Variants in LRRC4C observed in about 807,000 individuals in gnomAD.
LRRC4C encodes leucine rich repeat containing 4C.
LRRC4C carries 5 observed loss-of-function variants against 33.6 expected under a neutral mutation model. The ratio of observed to expected loss-of-function variants is 0.15; its 90% CI spans 0.08 to 0.31. The LOEUF (loss-of-function observed/expected upper bound fraction) is 0.31, where lower values mean the gene tolerates loss of function less well. Among genes scored for constraint, LRRC4C ranks in the 10% least tolerant of loss-of-function variants. LRRC4C has a pLI of 1.00. For missense variants in LRRC4C, 560 were observed against 796.7 expected (o/e 0.70, Z 3.58); for synonymous variants, 329 against 302.0 (o/e 1.09, Z -0.93).
At chr11:40,470,833 G>C (rs1374617348) in intron 3 of LRRC4C, among the ~76,000 whole-genome samples, 4 of 152,084 alleles carry the variant, frequency 2.6e-5, no homozygotes, top group African/African-American at 9.7e-5. Context: ...CAAAATTAGA[G>C]AAAAAAGAAT....
intron 1 of LRRC4C, among the ~76,000 whole-genome samples, chr11:40,977,933 G>T (rs1336088884): frequency 6.6e-6 from 1 of 151,978 alleles, no homozygotes; most frequent in Non-Finnish European, 1.5e-5. Context: ...AGGCACACAG[G>T]AAAAAAACGT....
At chr11:40,802,995 A>G (rs1289947659) in intron 2 of LRRC4C, among the ~76,000 whole-genome samples, 3 of 152,208 alleles carry the variant, frequency 2.0e-5, no homozygotes, top group Non-Finnish European at 2.9e-5. Flanking sequence ...CATGATTATC[A>G]TGGCAGTGTA....
At chr11:40,373,961 A>G (rs1948562301) in intron 3 of LRRC4C, among the ~76,000 whole-genome samples, 1 of 152,174 alleles carries the variant, frequency 6.6e-6, no homozygotes, top group South Asian at 2.1e-4. Flanking sequence ...CTTTATGACA[A>G]TGCAAAATGG....
At chr11:41,293,808 G>T (rs187076332) in intron 1 of LRRC4C, among the ~76,000 whole-genome samples, 1 of 151,974 alleles carries the variant, frequency 6.6e-6, no homozygotes. Context: ...CGTATGCCAG[G>T]CTTGTCTCGA....
intron 3 of LRRC4C, among the ~76,000 whole-genome samples, chr11:40,559,442 C>G (rs1957461745): frequency 6.6e-6 from 1 of 152,100 alleles, no homozygotes; most frequent in African/African-American, 2.4e-5. Flanking sequence ...GCCTTGGCCT[C>G]CCAAAGTGCT....
At chr11:40,898,267 T>C (rs1592028102) in intron 2 of LRRC4C, among the ~76,000 whole-genome samples, 1 of 142,804 alleles carries the variant, frequency 7.0e-6, no homozygotes, top group East Asian at 2.1e-4. Flanking sequence ...GCCAGGAGAA[T>C]TGCTTGAACC....
chr11:40,786,257 C>A (rs879632468), intron 2 of LRRC4C, among the ~76,000 whole-genome samples: 8 of 152,196 alleles, frequency 5.3e-5, no homozygotes, highest in Admixed American at 3.3e-4. Context: ...TCTTCCCCAC[C>A]TTTTGACTTT....
rs569596365 is a variant in LRRC4C at position 41,260,676 on chromosome 11, A to G, written c.-496+198755T>C. Reference sequence around the variant, plus strand: ...TCTTGAAGGTAATAAGCCACAAGGAAAAAGATAATGGGGAATAACAAAAAC... The same window carrying G: ...TCTTGAAGGTAATAAGCCACAAGGAGAAAGATAATGGGGAATAACAAAAAC... On this transcript the variant is annotated intron_variant, in intron 1 of 6. Coordinates refer to ENST00000528697, the MANE Select transcript of LRRC4C (RefSeq NM_001258419.2). Among the ~76,000 whole-genome samples the G allele has an allele frequency of 4.6e-5, 7 of 152,162 alleles. No homozygotes were observed. The East Asian group carries it at 1.4e-3, about 29-fold the overall frequency.
intron 3 of LRRC4C, among the ~76,000 whole-genome samples, chr11:40,379,910 G>C (rs1477126415): frequency 6.6e-6 from 1 of 152,130 alleles, no homozygotes; most frequent in Non-Finnish European, 1.5e-5. Context: ...CAGAATCTCT[G>C]GGGGCAGAGC....
At chr11:40,929,708 G>A (rs563307838) in intron 2 of LRRC4C, among the ~76,000 whole-genome samples, 2 of 152,036 alleles carry the variant, frequency 1.3e-5, no homozygotes, top group South Asian at 4.1e-4. Context: ...TCCGCCTCCC[G>A]GGTTCACGCC....
At chr11:40,744,476 T>C (rs143817957) in intron 2 of LRRC4C, among the ~76,000 whole-genome samples, 2 of 152,310 alleles carry the variant, frequency 1.3e-5, no homozygotes, top group East Asian at 3.9e-4. Context: ...TCTACTTCAT[T>C]GTAATTGTAG....
chr11:40,320,977 G>A (rs1646818945), intron 3 of LRRC4C, among the ~76,000 whole-genome samples: 1 of 151,896 alleles, frequency 6.6e-6, no homozygotes, highest in Non-Finnish European at 1.5e-5. Flanking sequence ...TGTATTACTT[G>A]AAAAAAAATT....
intron 2 of LRRC4C, among the ~76,000 whole-genome samples, chr11:40,768,481 A>G (rs555610739): frequency 5.5e-4 from 84 of 152,170 alleles, no homozygotes; most frequent in African/African-American, 1.9e-3. Context: ...ACCCCACCCA[A>G]ATTCATTCTA....
chr11:40,942,490 A>C (rs1958199261), intron 1 of LRRC4C, among the ~76,000 whole-genome samples: 1 of 152,180 alleles, frequency 6.6e-6, no homozygotes, highest in South Asian at 2.1e-4. Flanking sequence ...AGTGCATTCC[A>C]GGCATGAACT....
At chr11:41,135,801 C>T (rs1398501081) in intron 1 of LRRC4C, among the ~76,000 whole-genome samples, 1 of 152,034 alleles carries the variant, frequency 6.6e-6, no homozygotes, top group African/African-American at 2.4e-5. Flanking sequence ...TGCTAATTGC[C>T]CAGAGACATT....
chr11:41,164,780 G>T (rs1204391674), intron 1 of LRRC4C, among the ~76,000 whole-genome samples: 1 of 152,146 alleles, frequency 6.6e-6, no homozygotes, highest in Non-Finnish European at 1.5e-5. Context: ...GGGGTCCAGG[G>T]TCTAAAACCC....
At chr11:41,073,546 C>G (rs937355329) in intron 1 of LRRC4C, among the ~76,000 whole-genome samples, 1 of 152,122 alleles carries the variant, frequency 6.6e-6, no homozygotes, top group African/African-American at 2.4e-5. Context: ...AGTAGTCACA[C>G]GGCTAACCCA....
intron 4 of LRRC4C, among the ~76,000 whole-genome samples, chr11:40,266,282 G>C (rs886500832): frequency 4.6e-5 from 7 of 151,978 alleles, no homozygotes; most frequent in African/African-American, 1.7e-4. Context: ...CCTGGGGACA[G>C]AGTAAGACCT....
At chr11:41,219,646 G>C (rs1947216855) in intron 1 of LRRC4C, among the ~76,000 whole-genome samples, 1 of 152,132 alleles carries the variant, frequency 6.6e-6, no homozygotes, top group Non-Finnish European at 1.5e-5. Flanking sequence ...CTGTGGTTTA[G>C]CCCTGTGCCT....
Sources: allele counts gnomAD v4.1 joint callset (sites outside exome capture counted in the v4.1 genomes callset), GRCh38; gene constraint gnomAD v4.1.1; transcripts MANE v1.5; gene names NCBI Gene and HGNC (gene_info 2026-07-23, HGNC 2026-07-21).